The following SYT1 variants were observed in gnomAD, a reference collection of about 807,000 sequenced individuals.
SYT1 encodes synaptotagmin 1.
Under a neutral mutation model 44.8 loss-of-function variants are expected in SYT1, and 8 were observed. The ratio of observed to expected loss-of-function variants is 0.18; its 90% CI spans 0.10 to 0.32. SYT1 has a LOEUF of 0.32. Among genes scored for constraint, SYT1 ranks in the 10% least tolerant of loss-of-function variants. The pLI, the probability that SYT1 is intolerant of heterozygous loss-of-function variation, is 1.00. For synonymous variants in SYT1, 154 were observed against 188.8 expected, an observed-to-expected ratio of 0.82 and a Z score of 1.51; for missense variants, 286 against 509.3, an observed-to-expected ratio of 0.56 and a Z score of 4.22.
At chr12:78,998,644 C>T (rs537957441) in intron 2 of SYT1, among the ~76,000 whole-genome samples, 2 of 152,266 alleles carry the variant, frequency 1.3e-5, no homozygotes, top group African/African-American at 2.4e-5. Flanking sequence ...TGGGGACTCT[C>T]AAGTTAGATT....
At chr12:79,249,823 C>A (rs887761601) in intron 4 of SYT1, among the ~76,000 whole-genome samples, 7 of 152,034 alleles carry the variant, frequency 4.6e-5, no homozygotes, top group Admixed American at 6.5e-5. Context: ...AGAATGAAGC[C>A]TGTTTTAGAA....
At chr12:79,041,471 T>G (rs1434302544) in intron 2 of SYT1, among the ~76,000 whole-genome samples, 3 of 151,534 alleles carry the variant, frequency 2.0e-5, no homozygotes, top group Admixed American at 6.6e-5. Flanking sequence ...TGTACATTGA[T>G]TTTGTATCCT....
At chr12:79,006,871 A>G (rs904761021) in intron 2 of SYT1, among the ~76,000 whole-genome samples, 2 of 152,110 alleles carry the variant, frequency 1.3e-5, no homozygotes, top group Non-Finnish European at 2.9e-5. Flanking sequence ...GTTAATGGGT[A>G]ATTAAGATGT....
intron 4 of SYT1, among the ~76,000 whole-genome samples, chr12:79,284,731 C>T (rs1427227531): frequency 2.0e-5 from 3 of 151,190 alleles, no homozygotes; most frequent in Non-Finnish European, 4.4e-5. Context: ...CCCAGCTACT[C>T]GGGACGCTGA....
At chr12:79,237,254 C>G (rs1876245411) in intron 4 of SYT1, among the ~76,000 whole-genome samples, 1 of 152,104 alleles carries the variant, frequency 6.6e-6, no homozygotes, top group African/African-American at 2.4e-5. Flanking sequence ...CAGGGTTATG[C>G]CCTGTAGGGA....
At chr12:79,232,434 G>A (rs937901319) in intron 4 of SYT1, among the ~76,000 whole-genome samples, 4 of 152,136 alleles carry the variant, frequency 2.6e-5, no homozygotes, top group African/African-American at 7.2e-5. Flanking sequence ...GCTCCAGCAC[G>A]ACAGTTACTA....
At chr12:79,087,057 C>T (rs891158132) in intron 3 of SYT1, among the ~76,000 whole-genome samples, 4 of 152,020 alleles carry the variant, frequency 2.6e-5, no homozygotes, top group African/African-American at 7.2e-5. Context: ...AAACTGAAAC[C>T]GAGTCTGCAG....
intron 1 of SYT1, among the ~76,000 whole-genome samples, chr12:78,965,349 T>C (rs1879714666): frequency 6.6e-6 from 1 of 152,164 alleles, no homozygotes; most frequent in South Asian, 2.1e-4. Context: ...CATAGAACAA[T>C]AATACTAAGC....
chr12:79,358,483 A>G (rs967362344), intron 9 of SYT1, among the ~76,000 whole-genome samples: 7 of 152,178 alleles, frequency 4.6e-5, no homozygotes, highest in Non-Finnish European at 1.0e-4. Flanking sequence ...TTCTGATTTT[A>G]CCAGTGAGAA....
chr12:79,252,325 T>TATC (rs528291466), intron 4 of SYT1, among the ~76,000 whole-genome samples: 41 of 152,180 alleles, frequency 2.7e-4, no homozygotes, highest in Admixed American at 5.9e-4. Flanking sequence ...TAAGGATTAT[T>TATC]ATCATCATCA....
At chr12:79,204,988 G>A (rs1361025448) in intron 3 of SYT1, among the ~76,000 whole-genome samples, 2 of 101,770 alleles carry the variant, frequency 2.0e-5, no homozygotes, top group Non-Finnish European at 3.7e-5. Flanking sequence ...TTTTTGAGAC[G>A]GAGTCTCTCT....
chr12:79,422,810 T>C (rs1277627420), intron 9 of SYT1, among the ~76,000 whole-genome samples: 1 of 152,086 alleles, frequency 6.6e-6, no homozygotes, highest in East Asian at 1.9e-4. Flanking sequence ...AAATTTTTAT[T>C]GAGCCCCTCT....
At chr12:78,987,719 T>A (rs908059328) in intron 2 of SYT1, among the ~76,000 whole-genome samples, 5 of 151,968 alleles carry the variant, frequency 3.3e-5, no homozygotes, top group African/African-American at 1.2e-4. Flanking sequence ...TATACCAAGC[T>A]CAGATGGGCT....
At chr12:78,889,831 A>T (rs1874950903) in intron 1 of SYT1, among the ~76,000 whole-genome samples, 1 of 151,932 alleles carries the variant, frequency 6.6e-6, no homozygotes, top group Non-Finnish European at 1.5e-5. Context: ...GATGTTTTGT[A>T]AAATGCCTCA....
intron 1 of SYT1, among the ~76,000 whole-genome samples, chr12:78,951,430 A>T (rs915783824): frequency 6.6e-6 from 1 of 152,158 alleles, no homozygotes; most frequent in African/African-American, 2.4e-5. Context: ...ATGGGCAAGG[A>T]ATTGTTATAA....
chr12:79,147,516 C>A (rs572372335), intron 3 of SYT1, among the ~76,000 whole-genome samples: 1 of 152,088 alleles, frequency 6.6e-6, no homozygotes, highest in Non-Finnish European at 1.5e-5. Context: ...TTACAATGTT[C>A]GTTACAATAA....
At chr12:79,445,990 CATATATATAT>C (rs59721146) in intron 10 of SYT1, among the ~76,000 whole-genome samples, 1,743 of 44,146 alleles carry the variant, frequency 0.039, 85 homozygotes, top group African/African-American at 0.11. Context: ...AATCCAAAGA[CATATATATAT>C]ATATATATAT....
chr12:79,064,979 A>AG (rs1875715671), intron 3 of SYT1, among the ~76,000 whole-genome samples: 1 of 147,990 alleles, frequency 6.8e-6, no homozygotes, highest in African/African-American at 2.6e-5. Context: ...AAAGAAAGAA[A>AG]GAAAGAAAGA....
intron 2 of SYT1, among the ~76,000 whole-genome samples, chr12:78,996,036 A>G (rs919307936): frequency 6.6e-6 from 1 of 152,180 alleles, no homozygotes; most frequent in Non-Finnish European, 1.5e-5. Flanking sequence ...GTTGTCCATA[A>G]TGTCACTAAT....
Sources: allele counts gnomAD v4.1 joint callset (sites outside exome capture counted in the v4.1 genomes callset), GRCh38; gene constraint gnomAD v4.1.1; transcripts MANE v1.5; gene names NCBI Gene and HGNC (gene_info 2026-07-23, HGNC 2026-07-21).